The following BNC2 variants were observed in gnomAD, a reference collection of about 807,000 sequenced individuals.
BNC2 encodes zinc finger protein basonuclin-2.
In BNC2, 20 loss-of-function variants were observed where a neutral mutation model predicts 76.3. The ratio of observed to expected loss-of-function variants is 0.26; its 90% CI spans 0.18 to 0.38. The LOEUF (loss-of-function observed/expected upper bound fraction) is 0.38, where lower values mean the gene tolerates loss of function less well. BNC2 is among the 10% of genes least tolerant of loss of function. BNC2 has a pLI of 1.00. For missense variants in BNC2, 1,382 were observed against 1,399.8 expected, an observed-to-expected ratio of 0.99 and a Z score of 0.20; for synonymous variants, 582 against 514.8, an observed-to-expected ratio of 1.13 and a Z score of -1.77.
chr9:16,418,872 T>TAC lies in BNC2; in HGVS notation c.*116_*117insGT. On this transcript the variant is annotated 3_prime_UTR_variant, in exon 7 of 7. Transcript: ENST00000380672. Reference sequence around the variant, plus strand: ...TATGTAGCCACAGAGCATACATAAATGCACACACACACACACACACACACA... The same window carrying TAC: ...TATGTAGCCACAGAGCATACATAAATACGCACACACACACACACACACACACA... The TAC allele has an allele frequency of 1.9e-6, 1 of 519,458 alleles. No homozygotes were observed. Among genetic ancestry groups the TAC allele is most frequent in the Non-Finnish European group, 2.7e-6 (1 of 364,590 alleles). 32.2% of individuals were successfully genotyped at this position (519,458 alleles called of 1,614,324 possible). A position where few individuals can be genotyped will look rare whatever the true frequency, so the allele number is the denominator to read the frequency against.
intron 1 of BNC2, among the ~76,000 whole-genome samples, chr9:16,801,443 G>C (rs1335240636): frequency 1.3e-5 from 2 of 150,204 alleles, no homozygotes; most frequent in South Asian, 4.2e-4. Flanking sequence ...TCACCATCTT[G>C]GCCAGGCTGG....
intron 5 of BNC2, among the ~76,000 whole-genome samples, chr9:16,495,769 G>A (rs1457675256): frequency 6.6e-6 from 1 of 152,166 alleles, no homozygotes; most frequent in Non-Finnish European, 1.5e-5. Flanking sequence ...GGTTAACGAA[G>A]ACTCAGACAT....
chr9:16,641,129 T>C (rs181967617), intron 3 of BNC2, among the ~76,000 whole-genome samples: 2 of 152,332 alleles, frequency 1.3e-5, no homozygotes, highest in East Asian at 1.9e-4. Flanking sequence ...TTCTATGTTG[T>C]AGAAATCATT....
At chr9:16,539,735 A>AAAGGAAAGGGAAGGGAAGGG (rs1563830904) in intron 5 of BNC2, among the ~76,000 whole-genome samples, 8 of 105,870 alleles carry the variant, frequency 7.6e-5, no homozygotes, top group African/African-American at 2.3e-4. Flanking sequence ...GAAAAGAGGG[A>AAAGGAAAGGGAAGGGAAGGG]AAGGGAAGGG....
Position 16,727,988 on chromosome 9 carries a change from C to A in BNC2, c.139G>T (p.Ala47Ser), listed in dbSNP as rs371947650. Residue 47 changes from alanine to serine, a missense_variant, in exon 3 of 7, where the codon GCA (alanine) becomes TCA (serine). Ala to Ser is a moderately conservative substitution (Grantham distance 99, BLOSUM62 1). Coordinates refer to ENST00000380672, the MANE Select transcript of BNC2 (RefSeq NM_017637.6). ...VDTSQIESEE[A>S]EVDVRERETQ... ...TCTCTTTCTCTCACATCCACTTCTG[C>A]CTCTTCTGACTGAAAAGTGAAGGTG... 2 of 1,613,452 alleles carry A rather than the reference C, an allele frequency of 1.2e-6. No homozygotes were observed. Among genetic ancestry groups the A allele is most frequent in the Non-Finnish European group, 1.7e-6 (2 of 1,180,004 alleles).
chr9:16,493,732 A>G (rs1168357261), intron 5 of BNC2, among the ~76,000 whole-genome samples: 1 of 152,188 alleles, frequency 6.6e-6, no homozygotes, highest in African/African-American at 2.4e-5. Context: ...AGGGTACTCT[A>G]CTTGCACAGC....
intron 3 of BNC2, among the ~76,000 whole-genome samples, chr9:16,630,479 T>A (rs1211569612): frequency 6.6e-6 from 1 of 152,152 alleles, no homozygotes; most frequent in Non-Finnish European, 1.5e-5. Context: ...ATTTTTAAAA[T>A]GAATACAAAA....
intron 3 of BNC2, among the ~76,000 whole-genome samples, chr9:16,606,881 C>G (rs897492528): frequency 5.3e-5 from 8 of 152,174 alleles, no homozygotes; most frequent in Non-Finnish European, 1.0e-4. Context: ...TTTTTAAAAA[C>G]AGGAATTTAT....
Position 16,541,606 on chromosome 9 carries a change from TTTG to T in BNC2, c.669+10921_669+10923del, listed in dbSNP as rs539734313. ...TCTTTCCAGGGGAATTTAAGTGTAT[TTTG>T]TTGTTGTTAATTCAAAATTTCTCAA... On this transcript the variant is annotated intron_variant, in intron 5 of 6. Coordinates refer to ENST00000380672, the MANE Select transcript of BNC2 (RefSeq NM_017637.6). Among the ~76,000 whole-genome samples, 9 of 152,350 alleles carry T rather than the reference TTTG, an allele frequency of 5.9e-5. No homozygotes were observed. The South Asian group carries it at 1.7e-3, about 28-fold the overall frequency.
chr9:16,550,886 T>C (rs1359928296), intron 5 of BNC2, among the ~76,000 whole-genome samples: 3 of 152,070 alleles, frequency 2.0e-5, no homozygotes, highest in Non-Finnish European at 4.4e-5. Flanking sequence ...TAGGGTAAAA[T>C]CCATTCAAAA....
intron 3 of BNC2, among the ~76,000 whole-genome samples, chr9:16,649,256 C>G (rs1821726449): frequency 6.6e-6 from 1 of 152,198 alleles, no homozygotes; most frequent in African/African-American, 2.4e-5. Context: ...TCCACCTGAA[C>G]CACCCAGTGT....
chr9:16,728,907 A>T (rs1824430282), intron 2 of BNC2, among the ~76,000 whole-genome samples: 1 of 152,196 alleles, frequency 6.6e-6, no homozygotes, highest in Non-Finnish European at 1.5e-5. Context: ...GTAGAAAAAA[A>T]TCCTTTGTTA....
At chr9:16,747,374 G>C (rs1213067100) in intron 1 of BNC2, among the ~76,000 whole-genome samples, 2 of 152,226 alleles carry the variant, frequency 1.3e-5, no homozygotes, top group East Asian at 3.9e-4. Flanking sequence ...TCAGCATCCA[G>C]AGCTCTTAGG....
Position 16,738,340 on chromosome 9 carries a change from GA to G in BNC2, c.129+19del, listed in dbSNP as rs35475650. 1,392,055 of 1,550,526 alleles carry G rather than the reference GA, an allele frequency of 0.9. 624,332 individuals carry two copies. Among genetic ancestry groups the G allele is most frequent in the Non-Finnish European group, 0.91 (1,025,158 of 1,129,890 alleles). On this transcript the variant is annotated intron_variant, in intron 2 of 6. Coordinates refer to ENST00000380672, the MANE Select transcript of BNC2 (RefSeq NM_017637.6). ...AGTGTGTCCAAGTAACTTAAAGGGG[GA>G]AAAAAAAAACCAACATACCTCAATT...
At chr9:16,804,574 G>C (rs1474544193) in intron 1 of BNC2, among the ~76,000 whole-genome samples, 1 of 152,194 alleles carries the variant, frequency 6.6e-6, no homozygotes, top group Non-Finnish European at 1.5e-5. Context: ...AAATAAAACT[G>C]CATGTCCTGG....
At chr9:16,811,272 C>T (rs1275240381) in intron 1 of BNC2, among the ~76,000 whole-genome samples, 1 of 147,966 alleles carries the variant, frequency 6.8e-6, no homozygotes, top group Non-Finnish European at 1.5e-5. Flanking sequence ...TATAGGGGGC[C>T]AGGCACGGTG....
chr9:16,627,616 T>A (rs1054591896), intron 3 of BNC2, among the ~76,000 whole-genome samples: 2 of 152,118 alleles, frequency 1.3e-5, no homozygotes, highest in Non-Finnish European at 2.9e-5. Context: ...ACAATTTGAG[T>A]CTGCTTGATC....
At chr9:16,558,409 T>C (rs560927997) in intron 4 of BNC2, among the ~76,000 whole-genome samples, 54 of 152,300 alleles carry the variant, frequency 3.5e-4, no homozygotes, top group Non-Finnish European at 6.5e-4. Context: ...TATCTAGTAC[T>C]GATAATATTG....
rs1325802448 is a variant in BNC2 at position 16,418,719 on chromosome 9, A to G, written c.*270T>C. On this transcript the variant is annotated 3_prime_UTR_variant, in exon 7 of 7. Transcript: ENST00000380672. Reference sequence around the variant, plus strand: ...GTGCATGTGTGTGTGTGTGTGTTTAAAGGGGTACTCTGTTTTCACCCTGAA... The same window carrying G: ...GTGCATGTGTGTGTGTGTGTGTTTAGAGGGGTACTCTGTTTTCACCCTGAA... 6 of 426,024 alleles carry G rather than the reference A, an allele frequency of 1.4e-5. No individual in the cohort carries two copies. Among genetic ancestry groups the G allele is most frequent in the Non-Finnish European group, 2.1e-5 (5 of 232,886 alleles). 26.4% of individuals were successfully genotyped at this position (426,024 alleles called of 1,614,324 possible).
Sources: gnomAD v4.1 joint callset for allele counts (sites outside exome capture counted in the v4.1 genomes callset) on GRCh38, gnomAD v4.1.1 for gene constraint, MANE v1.5 for transcripts, NCBI Gene and HGNC (gene_info 2026-07-23, HGNC 2026-07-21) for gene names.